Variants in KCNIP1 observed in about 807,000 individuals in gnomAD.
KCNIP1 encodes A-type potassium channel modulatory protein KCNIP1.
A neutral mutation model predicts 33.0 loss-of-function variants in KCNIP1; 18 were observed. The observed-to-expected ratio is 0.55, with a 90% CI of 0.38 to 0.81. The LOEUF (loss-of-function observed/expected upper bound fraction) is 0.81, where lower values mean the gene tolerates loss of function less well. Ranked by LOEUF, KCNIP1 falls within the 30% of genes least tolerant of loss-of-function variation. The probability of loss-of-function intolerance (pLI) is 0.00; values close to 1 mark genes in which losing one functional copy is unlikely to be tolerated. For missense variants in KCNIP1, 238 were observed against 271.6 expected, an observed-to-expected ratio of 0.88 and a Z score of 0.87; for synonymous variants, 93 against 98.3, an observed-to-expected ratio of 0.95 and a Z score of 0.32.
intron 1 of KCNIP1, among the ~76,000 whole-genome samples, chr5:170,654,614 T>C (rs1170344841): frequency 6.6e-6 from 1 of 152,248 alleles, no homozygotes; most frequent in Non-Finnish European, 1.5e-5. Flanking sequence ...GATTTGTTCA[T>C]TACTGTTTCC....
Position 170,710,680 on chromosome 5 carries a change from A to AT in KCNIP1, c.62-8069dup, listed in dbSNP as rs561232378. On this transcript the variant is annotated intron_variant, in intron 1 of 7. Transcript: ENST00000328939. The stretch of plus-strand genomic sequence containing the variant: ...CTCCAAAGCCTTCAAAAATGATGAG[A>AT]TTTTTTTTTAAATCCTTTTTATCCA... Among the ~76,000 whole-genome samples the AT allele has an allele frequency of 8.2e-4, 125 of 152,066 alleles. 3 individuals are homozygous for AT. The East Asian group carries it at 9.5e-3, about 12-fold the overall frequency.
intron 1 of KCNIP1, among the ~76,000 whole-genome samples, chr5:170,589,195 T>C (rs1758113291): frequency 6.6e-6 from 1 of 152,042 alleles, no homozygotes; most frequent in Admixed American, 6.5e-5. Context: ...GAGACGGGGT[T>C]TCACCATGTT....
chr5:170,563,156 C>CA (rs1259701849), intron 1 of KCNIP1, among the ~76,000 whole-genome samples: 1 of 152,198 alleles, frequency 6.6e-6, no homozygotes, highest in Non-Finnish European at 1.5e-5. Context: ...TACTCACCCC[C>CA]ACTCCTCCAG....
intron 1 of KCNIP1, among the ~76,000 whole-genome samples, chr5:170,649,417 G>A (rs1415815627): frequency 6.6e-6 from 1 of 152,098 alleles, no homozygotes; most frequent in Non-Finnish European, 1.5e-5. Context: ...GGGCATCCAT[G>A]GTCCATTGTT....
intron 1 of KCNIP1, among the ~76,000 whole-genome samples, chr5:170,449,905 T>C (rs926074347): frequency 1.3e-5 from 2 of 152,148 alleles, no homozygotes; most frequent in Non-Finnish European, 2.9e-5. Context: ...ATAAAAATTA[T>C]AGAAAGACTC....
At chr5:170,626,946 A>T (rs2113659015) in intron 1 of KCNIP1, among the ~76,000 whole-genome samples, 1 of 152,282 alleles carries the variant, frequency 6.6e-6, no homozygotes, top group East Asian at 1.9e-4. Context: ...GAGAGCAGGC[A>T]CCTGAGGCCT....
chr5:170,724,424 T>C (rs2113880239), intron 5 of KCNIP1, among the ~76,000 whole-genome samples: 1 of 152,304 alleles, frequency 6.6e-6, no homozygotes, highest in East Asian at 1.9e-4. Flanking sequence ...AAAAGGATGA[T>C]ACAATACAAC....
At chr5:170,632,668 G>A (rs372802027) in intron 1 of KCNIP1, among the ~76,000 whole-genome samples, 1 of 152,368 alleles carries the variant, frequency 6.6e-6, no homozygotes, top group East Asian at 1.9e-4. Context: ...AAAATGTGAT[G>A]CCCAAAGATG....
intron 1 of KCNIP1, among the ~76,000 whole-genome samples, chr5:170,533,541 A>G (rs889448494): frequency 2.0e-5 from 3 of 152,328 alleles, no homozygotes; most frequent in Non-Finnish European, 4.4e-5. Context: ...GGCAGGTGGC[A>G]CAGTGCCTGG....
At chr5:170,398,732 C>G (rs372876262) in intron 1 of KCNIP1, among the ~76,000 whole-genome samples, 1 of 152,314 alleles carries the variant, frequency 6.6e-6, no homozygotes, top group East Asian at 1.9e-4. Context: ...AGGTCAGGAC[C>G]GGCTCCAGGG....
At chr5:170,504,019 C>T, upstream of KCNIP1, 1 of 985,118 alleles carries the variant, frequency 1.0e-6, no homozygotes, top group African/African-American at 1.7e-5. The surrounding 1 kb of genome is among the most constrained non-coding windows in gnomAD (Gnocchi z 6.0). Context: ...TCCGCCGCTC[C>T]GACTCTCGCC....
At chr5:170,435,231 C>T (rs1209983372) in intron 1 of KCNIP1, among the ~76,000 whole-genome samples, 1 of 152,242 alleles carries the variant, frequency 6.6e-6, no homozygotes, top group East Asian at 1.9e-4. Flanking sequence ...TTTGCTACAA[C>T]GTGTAGCCTC....
At chr5:170,401,571 C>T (rs1248737409) in intron 1 of KCNIP1, among the ~76,000 whole-genome samples, 1 of 152,038 alleles carries the variant, frequency 6.6e-6, no homozygotes, top group African/African-American at 2.4e-5. Context: ...CTAGACCAGC[C>T]TGGGCAACAT....
At chr5:170,385,584 A>G (rs999991015) in intron 1 of KCNIP1, 3 of 1,019,046 alleles carry the variant, frequency 2.9e-6, no homozygotes, top group Non-Finnish European at 4.3e-6. Context: ...ACTCTTGTTT[A>G]TATTTGGAGC....
intron 1 of KCNIP1, chr5:170,712,727 G>A: frequency 1.2e-6 from 1 of 858,948 alleles, no homozygotes; most frequent in Non-Finnish European, 2.0e-6. Context: ...GCTACTGAGA[G>A]GCTCTTCGCA....
At chr5:170,704,194 A>G (rs1763184765) in intron 1 of KCNIP1, among the ~76,000 whole-genome samples, 1 of 119,444 alleles carries the variant, frequency 8.4e-6, no homozygotes. Context: ...CAGAGGACTC[A>G]TGACAGGGAT....
In KCNIP1 at chr5:170,732,895, C is replaced by T; in HGVS notation, c.531C>T (p.Val177=). ...KEDTPRQHVD[V]FFQKMDKNKD... ...ACACTCCAAGGCAGCATGTGGACGT[C>T]TTCTTCCAGGTAAGTGCACACACCC... The change falls in exon 6 of 8, where the codon GTC becomes GTT. Residue 177 remains valine (V), a synonymous_variant. Transcript: ENST00000328939. The T allele has an allele frequency of 3.1e-6, 5 of 1,607,370 alleles. No individual in the cohort carries two copies. The highest frequency in any genetic ancestry group is 1.7e-5 in the Admixed American group (1 of 60,006).
intron 1 of KCNIP1, among the ~76,000 whole-genome samples, chr5:170,478,048 T>G (rs1291672616): frequency 6.6e-6 from 1 of 152,046 alleles, no homozygotes; most frequent in Non-Finnish European, 1.5e-5. Context: ...ATCTCAGAAT[T>G]TCATGCCTCC....
chr5:170,504,282 C>T lies in KCNIP1; in HGVS notation c.-291C>T, dbSNP rs1561655819. 8.0e-6 allele frequency: 10 copies of T among 1,254,596 alleles called. No individual in the cohort carries two copies. The highest frequency in any genetic ancestry group is 3.1e-4 in the Middle Eastern group (1 of 3,220). The allele number at this position is 1,254,596 out of a possible 1,614,324, so 77.7% of individuals were successfully genotyped here. The stretch of plus-strand genomic sequence containing the variant: ...CCAGTGCCAGGCAGGCTTCAGGGCA[C>T]CGTCCTCGGCCCTGGGCGAGGGAAC... On this transcript the variant is annotated 5_prime_UTR_variant, in exon 1 of 8. Coordinates refer to ENST00000328939, the MANE Select transcript of KCNIP1 (RefSeq NM_014592.4). The surrounding 1 kb of genome is among the most constrained non-coding windows in gnomAD (Gnocchi z 6.0).
Sources: allele counts gnomAD v4.1 joint callset (sites outside exome capture counted in the v4.1 genomes callset), GRCh38; gene constraint gnomAD v4.1.1; non-coding constraint Gnocchi (gnomAD v3.1); transcripts MANE v1.5; gene names NCBI Gene and HGNC (gene_info 2026-07-23, HGNC 2026-07-21).